Variants in VPS37C observed in about 807,000 individuals in gnomAD.
VPS37C encodes the protein VPS37C subunit of ESCRT-I, also known as vacuolar protein sorting-associated protein 37C.
VPS37C carries 9 observed loss-of-function variants against 16.1 expected under a neutral mutation model. The observed-to-expected ratio is 0.56, with a 90% CI of 0.34 to 0.97. The LOEUF is 0.97. Ranked by LOEUF, VPS37C falls within the 50% of genes least tolerant of loss-of-function variation. VPS37C has a pLI of 0.02. For synonymous variants in VPS37C, 207 were observed against 206.4 expected, an observed-to-expected ratio of 1.00 and a Z score of -0.02; for missense variants, 479 against 472.7, an observed-to-expected ratio of 1.01 and a Z score of -0.12.
rs367646428 is a variant in VPS37C, at chr11:61,138,768, G to T, written c.62C>A (p.Ala21Glu). ...GGACTCCAGGGCCAGCTGGTCAATC[G>T]CCTCCGAGTCATTCTGCAACTCCTC... ...ELEELQNDSE[A>E]IDQLALESPE... The change falls in exon 2 of 5, where the codon GCG becomes GAG. Residue 21 changes from alanine (A) to glutamate (E), a missense_variant. Coordinates refer to ENST00000301765, the MANE Select transcript of VPS37C (RefSeq NM_017966.5). 1.9e-6 allele frequency: 3 copies of T among 1,614,008 alleles called. No homozygotes were observed. Among genetic ancestry groups the T allele is most frequent in the Non-Finnish European group, 2.5e-6 (3 of 1,180,008 alleles).
At chr11:61,157,991 C>T (rs938436903) in intron 1 of VPS37C, among the ~76,000 whole-genome samples, 5 of 152,166 alleles carry the variant, frequency 3.3e-5, no homozygotes, top group African/African-American at 4.8e-5. Context: ...CCTTCTGAGA[C>T]GAGTAAAAGC....
At chr11:61,146,369 C>A (rs1021308121) in intron 1 of VPS37C, among the ~76,000 whole-genome samples, 1 of 152,238 alleles carries the variant, frequency 6.6e-6, no homozygotes, top group Non-Finnish European at 1.5e-5. Context: ...TCTCAAGTAA[C>A]TCAGTTTCAT....
intron 1 of VPS37C, among the ~76,000 whole-genome samples, chr11:61,156,218 A>T (rs1010820938): frequency 6.6e-6 from 1 of 152,222 alleles, no homozygotes; most frequent in Non-Finnish European, 1.5e-5. Context: ...TTTAAACTCA[A>T]CCATATCAAT....
Position 61,131,713 on chromosome 11 carries a change from C to G in VPS37C, c.*107G>C. On this transcript the variant is annotated 3_prime_UTR_variant, in exon 5 of 5. Transcript: ENST00000301765. ...GCCTCTGGGTGCCGACGCAAGTCCA[C>G]AGGGAGCACCAACGCCACTTCCAGT... is the stretch of plus-strand genomic sequence containing the variant. 3.3e-6 allele frequency: 4 copies of G among 1,228,924 alleles called. No individual in the cohort carries two copies. The highest frequency in any genetic ancestry group is 4.1e-6 in the Non-Finnish European group (4 of 985,308). 76.1% of individuals were successfully genotyped at this position (1,228,924 alleles called of 1,614,324 possible). A position where few individuals can be genotyped will look rare whatever the true frequency, so the allele number is the denominator to read the frequency against.
At chr11:61,152,661 G>A (rs1853314913) in intron 1 of VPS37C, among the ~76,000 whole-genome samples, 1 of 152,074 alleles carries the variant, frequency 6.6e-6, no homozygotes, top group South Asian at 2.1e-4. Flanking sequence ...ATTTCTCCAT[G>A]GGTTGCTCAC....
intron 1 of VPS37C, among the ~76,000 whole-genome samples, chr11:61,142,810 G>A: frequency 2.0e-5 from 1 of 50,746 alleles, no homozygotes; most frequent in Non-Finnish European, 3.6e-5. Context: ...CTAAGGGGTG[G>A]GGGGAGGGGG....
rs199606009 is a variant in VPS37C at position 61,132,355 on chromosome 11, G to A, written c.533C>T (p.Pro178Leu). The part of the protein sequence containing the change: ...GDAPPPRPPP[P>L]VRPVPQGTPP... ...TGTTCCCTGGGGGACTGGGCGCACC[G>A]GGGGTGGTGGACGGGGTGGAGGGGC... The change falls in exon 5 of 5, where the codon CCG (proline) becomes CTG (leucine). Residue 178 changes from proline to leucine, a missense_variant. By Grantham distance (98) the Pro-to-Leu change is moderately conservative. Transcript: ENST00000301765. 234 of 1,599,714 alleles carry A rather than the reference G, an allele frequency of 1.5e-4. No individual in the cohort carries two copies. The highest frequency in any genetic ancestry group is 1.8e-4 in the Non-Finnish European group (207 of 1,173,004).
At chr11:61,153,957 T>G (rs1221393070) in intron 1 of VPS37C, among the ~76,000 whole-genome samples, 2 of 152,174 alleles carry the variant, frequency 1.3e-5, no homozygotes, top group African/African-American at 2.4e-5. Flanking sequence ...ACCTCATCAT[T>G]CACAGGACAT....
At chr11:61,160,771 T>C (rs1853461300) in intron 1 of VPS37C, among the ~76,000 whole-genome samples, 2 of 152,148 alleles carry the variant, frequency 1.3e-5, no homozygotes, top group Admixed American at 1.3e-4. Context: ...ACCAGGCATA[T>C]AATGGGTATG....
intron 1 of VPS37C, among the ~76,000 whole-genome samples, chr11:61,140,795 A>G (rs1429121024): frequency 1.3e-5 from 2 of 152,230 alleles, no homozygotes; most frequent in Admixed American, 1.3e-4. Flanking sequence ...AGCAGCAGCC[A>G]TGTCATATGC....
At chr11:61,155,400 G>C (rs749183052) in intron 1 of VPS37C, among the ~76,000 whole-genome samples, 42 of 151,272 alleles carry the variant, frequency 2.8e-4, no homozygotes, top group Admixed American at 7.9e-4. Context: ...TAGGGACCCT[G>C]AGGTGGGAGG....
At chr11:61,137,776 T>G (rs1482354137) in intron 2 of VPS37C, among the ~76,000 whole-genome samples, 3 of 152,122 alleles carry the variant, frequency 2.0e-5, no homozygotes, top group Non-Finnish European at 4.4e-5. Flanking sequence ...CCAGGAGATC[T>G]TTTCAACCCA....
intron 1 of VPS37C, among the ~76,000 whole-genome samples, chr11:61,142,487 A>G (rs1217324820): frequency 6.6e-6 from 1 of 151,908 alleles, no homozygotes; most frequent in East Asian, 1.9e-4. Context: ...TCCCGCCTTG[A>G]CCTCCCAAAG....
intron 1 of VPS37C, among the ~76,000 whole-genome samples, chr11:61,157,066 C>T (rs1469303852): frequency 1.3e-5 from 2 of 152,242 alleles, no homozygotes; most frequent in African/African-American, 2.4e-5. Context: ...ATGTATCAAA[C>T]GTTCTTTCCT....
intron 4 of VPS37C, 68 bp downstream of exon 4, chr11:61,133,187 T>C (rs1565190985): frequency 6.5e-7 from 1 of 1,545,210 alleles, no homozygotes; most frequent in Non-Finnish European, 8.9e-7. Context: ...TGCTTCTCCT[T>C]CCAAGGGCCC....
At chr11:61,149,288 A>C (rs942322870) in intron 1 of VPS37C, among the ~76,000 whole-genome samples, 1 of 152,220 alleles carries the variant, frequency 6.6e-6, no homozygotes, top group Admixed American at 6.5e-5. Flanking sequence ...TCCATCTCAA[A>C]GTAAACAAAC....
intron 1 of VPS37C, among the ~76,000 whole-genome samples, chr11:61,142,954 T>TAA (rs71043748): frequency 2.2e-5 from 2 of 92,336 alleles, no homozygotes; most frequent in African/African-American, 8.6e-5. Context: ...TAAAGTATAA[T>TAA]AAAAAAAAAA....
chr11:61,155,266 T>C (rs1291284602), intron 1 of VPS37C, among the ~76,000 whole-genome samples: 1 of 152,122 alleles, frequency 6.6e-6, no homozygotes, highest in Non-Finnish European at 1.5e-5. Flanking sequence ...GTAGGATCAC[T>C]TGAGGCCAGG....
chr11:61,140,574 G>T (rs966061096), intron 1 of VPS37C, among the ~76,000 whole-genome samples: 1 of 152,216 alleles, frequency 6.6e-6, no homozygotes, highest in African/African-American at 2.4e-5. Context: ...CATACAGGTG[G>T]CCAGCCCCTC....
Sources: allele counts gnomAD v4.1 joint callset (sites outside exome capture counted in the v4.1 genomes callset), GRCh38; gene constraint gnomAD v4.1.1; transcripts MANE v1.5; gene names NCBI Gene and HGNC (gene_info 2026-07-23, HGNC 2026-07-21).